LIG1: variants seen among roughly 807,000 people sequenced by gnomAD.
LIG1 encodes the protein ligase I, DNA, ATP-dependent.
LIG1 carries 70 observed loss-of-function variants against 115.7 expected under a neutral mutation model. The ratio of observed to expected loss-of-function variants is 0.60; its 90% CI spans 0.50 to 0.74. The LOEUF is 0.74. LIG1 is among the 30% of genes least tolerant of loss of function. The pLI is 0.00. For synonymous variants in LIG1, 487 were observed against 495.3 expected, an observed-to-expected ratio of 0.98 and a Z score of 0.22; for missense variants, 1,115 against 1,225.6, an observed-to-expected ratio of 0.91 and a Z score of 1.35.
chr19:48,154,649 TC>T (rs2035720881), intron 5 of LIG1: 1 of 157,042 alleles, frequency 6.4e-6, no homozygotes, highest in Non-Finnish European at 1.4e-5. Context: ...TCTAAAAGCC[TC>T]TAAACTCAGA....
chr19:48,152,471 T>C (rs1407341947), intron 6 of LIG1, among the ~76,000 whole-genome samples: 1 of 152,176 alleles, frequency 6.6e-6, no homozygotes, highest in East Asian at 1.9e-4. Context: ...AAAATGGACC[T>C]TTTATTTGTT....
At position 48,115,920 on chromosome 19, in the gene LIG1, G is replaced by C; in HGVS notation, c.2629C>G (p.Arg877Gly). 6.2e-7 allele frequency: 1 copy of C among 1,613,982 alleles called. No individual in the cohort carries two copies. The highest frequency in any genetic ancestry group is 1.3e-5 in the African/African-American group (1 of 75,016). ...GISLRFPRFI[R>G]VREDKQPEQA... is the part of the protein sequence containing the mutation. The stretch of plus-strand genomic sequence containing the variant: ...TCCGGCTGCTTGTCTTCACGGACTC[G>C]AATAAACCGAGGGAAGCGAAGGGAG... The change falls in exon 27 of 28, where the codon CGA becomes GGA. Residue 877 changes from arginine (R) to glycine (G), a missense_variant. Transcript: ENST00000263274.
chr19:48,121,462 GC>G, intron 23 of LIG1, 140 bp from the exon 24 acceptor site: 2 of 802,764 alleles, frequency 2.5e-6, no homozygotes, highest in African/African-American at 1.7e-5. Flanking sequence ...CCCAAGGATG[GC>G]CCCTGGGAAG....
chr19:48,154,045 T>G (rs967833716), intron 5 of LIG1, 78 bp from the exon 6 acceptor site: 31 of 1,216,028 alleles, frequency 2.5e-5, no homozygotes, highest in Non-Finnish European at 3.5e-5. Flanking sequence ...CACCCACTGA[T>G]GTAGCCTCTG....
intron 17 of LIG1, chr19:48,133,642 C>T (rs1280917351): frequency 2.7e-6 from 1 of 364,392 alleles, no homozygotes; most frequent in Non-Finnish European, 5.3e-6. Flanking sequence ...TGTCGCCCAG[C>T]TGGAGTGCAG....
chr19:48,135,998 CA>C, intron 15 of LIG1, 35 bp downstream of exon 15: 1 of 1,504,948 alleles, frequency 6.6e-7, no homozygotes, highest in African/African-American at 1.4e-5. Flanking sequence ...GAGGTAACTC[CA>C]GCGAGGGATG....
At chr19:48,134,095 G>T in intron 16 of LIG1, 29 bp from the exon 17 acceptor site, 1 of 1,537,646 alleles carries the variant, frequency 6.5e-7, no homozygotes, top group Non-Finnish European at 8.8e-7. Flanking sequence ...ACAAGATAGG[G>T]GAAGCCTTTC....
intron 2 of LIG1, 121 bp from the exon 3 acceptor site, chr19:48,162,472 A>T (rs932773031): frequency 4.3e-6 from 3 of 692,660 alleles, no homozygotes; most frequent in African/African-American, 4.0e-5. Flanking sequence ...CTCGCTCTGT[A>T]GCCCAGGCTG....
chr19:48,137,465 G>T lies in LIG1; in HGVS notation c.1254+57C>A. The T allele has an allele frequency of 6.3e-7, 1 of 1,597,228 alleles. No individual in the cohort carries two copies. Among genetic ancestry groups the T allele is most frequent in the Admixed American group, 1.7e-5 (1 of 59,672 alleles). ...ACCCAGAAGCCTTCCTGACACACGC[G>T]TGGCCTCAGGTCCCCAAGATGTCTG... On this transcript the variant is annotated intron_variant, in intron 13 of 27. Transcript: ENST00000263274. This position sits in a 1 kb window ranked among gnomAD's most constrained non-coding sequence, Gnocchi z 4.3.
At chr19:48,154,844 A>G (rs2035736104) in intron 5 of LIG1, among the ~76,000 whole-genome samples, 1 of 151,924 alleles carries the variant, frequency 6.6e-6, no homozygotes. Context: ...AAACCCTTCC[A>G]TGACTCCACA....
chr19:48,160,458 G>A (rs1273159523), intron 4 of LIG1, among the ~76,000 whole-genome samples: 7 of 152,166 alleles, frequency 4.6e-5, no homozygotes, highest in South Asian at 2.1e-4. Flanking sequence ...TGTGATGGGC[G>A]GGGGAAGAGA....
intron 9 of LIG1, 46 bp downstream of exon 9, chr19:48,149,717 G>A (rs1263644211): frequency 3.4e-6 from 5 of 1,488,728 alleles, no homozygotes; most frequent in Non-Finnish European, 4.7e-6. Context: ...ATGCAGAGAA[G>A]GGAACACATC....
rs752384530 is a variant in LIG1, at chr19:48,165,572, C to A, written c.-6G>T. The A allele has an allele frequency of 6.8e-6, 11 of 1,613,694 alleles. No individual in the cohort carries two copies. The highest frequency in any genetic ancestry group is 2.7e-5 in the African/African-American group (2 of 74,864). ...CACATGATACTTCGCTGCATGTTGGCGTCAGAATTCTCCCTTCCTGTCCAG... is the reference window on the plus strand; with the variant it reads ...CACATGATACTTCGCTGCATGTTGGAGTCAGAATTCTCCCTTCCTGTCCAG... On this transcript the variant is annotated 5_prime_UTR_variant, in exon 2 of 28. Transcript: ENST00000263274.
intron 7 of LIG1, among the ~76,000 whole-genome samples, chr19:48,150,594 G>A (rs573581237): frequency 6.6e-6 from 1 of 152,288 alleles, no homozygotes; most frequent in African/African-American, 2.4e-5. Context: ...CCCTGAGAGG[G>A]TAACTTCAGC....
intron 25 of LIG1, 38 bp from the exon 26 acceptor site, chr19:48,117,819 G>A: frequency 6.2e-7 from 1 of 1,607,686 alleles, no homozygotes; most frequent in Non-Finnish European, 8.5e-7. Flanking sequence ...AGAGGGTCTG[G>A]AATCTCAAAG....
chr19:48,161,826 C>CTTTT (rs34448490), intron 3 of LIG1, among the ~76,000 whole-genome samples: 1 of 123,478 alleles, frequency 8.1e-6, no homozygotes, highest in African/African-American at 3.1e-5. Flanking sequence ...ATTGGGATGC[C>CTTTT]TTTTTTTTTT....
intron 10 of LIG1, 65 bp downstream of exon 10, chr19:48,143,818 G>A: frequency 1.4e-6 from 2 of 1,397,520 alleles, no homozygotes; most frequent in Admixed American, 3.4e-5. Flanking sequence ...CCAAGACTCT[G>A]CTTAGAGAGC....
chr19:48,148,042 C>T (rs1555776993), intron 9 of LIG1, among the ~76,000 whole-genome samples: 1 of 148,536 alleles, frequency 6.7e-6, no homozygotes, highest in Non-Finnish European at 1.5e-5. Flanking sequence ...GTGCTGGGGA[C>T]ACGCACCTCC....
At chr19:48,127,225 C>G in intron 21 of LIG1, 52 bp downstream of exon 21, 1 of 1,471,394 alleles carries the variant, frequency 6.8e-7, no homozygotes, top group Non-Finnish European at 9.5e-7. Context: ...GCCAGGCTCA[C>G]ACCCCACCCC....
Sources: allele counts gnomAD v4.1 joint callset (sites outside exome capture counted in the v4.1 genomes callset), GRCh38; gene constraint gnomAD v4.1.1; non-coding constraint Gnocchi (gnomAD v3.1); transcripts MANE v1.5; gene names NCBI Gene and HGNC (gene_info 2026-07-23, HGNC 2026-07-21).